ULK4: variants seen among roughly 807,000 people sequenced by gnomAD.
The protein encoded by ULK4 is inactive serine/threonine-protein kinase ULK4.
ULK4 carries 133 observed loss-of-function variants against 160.6 expected under a neutral mutation model. The observed-to-expected ratio is 0.83, with a 90% CI of 0.72 to 0.96. The LOEUF is 0.96. ULK4 is among the 40% of genes least tolerant of loss of function. The probability of loss-of-function intolerance (pLI) is 0.00; values close to 1 mark genes in which losing one functional copy is unlikely to be tolerated. For synonymous variants in ULK4, 534 were observed against 539.8 expected, an observed-to-expected ratio of 0.99 and a Z score of 0.15; for missense variants, 1,580 against 1,499.5, an observed-to-expected ratio of 1.05 and a Z score of -0.89.
At position 41,937,763 on chromosome 3, in the gene ULK4, C is replaced by T. The variant is rs1024684972; in HGVS notation, c.238+335G>A. ...TATGCTTTTCATAAAAACAAAGATA[C>T]TTTATAAATTTATTAGCTAATTAAT... On this transcript the variant is annotated intron_variant, in intron 3 of 36. Coordinates refer to ENST00000301831, the MANE Select transcript of ULK4 (RefSeq NM_017886.4). 14 of 198,320 alleles carry T rather than the reference C, an allele frequency of 7.1e-5. No homozygotes were observed. In the East Asian group the frequency reaches 7.3e-4, roughly 10 times the overall value. 12.3% of individuals were successfully genotyped at this position (198,320 alleles called of 1,614,324 possible). A position where few individuals can be genotyped will look rare whatever the true frequency, so the allele number is the denominator to read the frequency against.
intron 35 of ULK4, among the ~76,000 whole-genome samples, chr3:41,269,646 C>T (rs1037470433): frequency 6.6e-6 from 1 of 152,088 alleles, no homozygotes; most frequent in East Asian, 1.9e-4. Context: ...TATAAAGATG[C>T]AAATTTATGA....
At chr3:41,525,521 C>A (rs898596979) in intron 32 of ULK4, among the ~76,000 whole-genome samples, 14 of 152,184 alleles carry the variant, frequency 9.2e-5, no homozygotes, top group African/African-American at 3.1e-4. Flanking sequence ...GAGGCCTAGT[C>A]TCCCTCCCAA....
chr3:41,763,227 A>C (rs965257652), intron 21 of ULK4, among the ~76,000 whole-genome samples: 1 of 152,214 alleles, frequency 6.6e-6, no homozygotes, highest in Non-Finnish European at 1.5e-5. Flanking sequence ...CCATAATAAA[A>C]GAATAAAAAT....
intron 19 of ULK4, among the ~76,000 whole-genome samples, chr3:41,801,651 A>G (rs1417255157): frequency 6.6e-6 from 1 of 152,050 alleles, no homozygotes; most frequent in Admixed American, 6.6e-5. Flanking sequence ...GGAGTTCAAG[A>G]CCAGCATGGG....
intron 21 of ULK4, among the ~76,000 whole-genome samples, chr3:41,755,469 A>C (rs1227078520): frequency 1.3e-5 from 2 of 152,164 alleles, no homozygotes; most frequent in East Asian, 3.9e-4. Flanking sequence ...ATCTCAGGTA[A>C]AAAAAACAAA....
At chr3:41,317,201 G>A (rs796365235) in intron 35 of ULK4, among the ~76,000 whole-genome samples, 5 of 148,512 alleles carry the variant, frequency 3.4e-5, no homozygotes, top group African/African-American at 9.9e-5. Flanking sequence ...TCAGCCTCCC[G>A]AGTAGCTGGG....
chr3:41,904,834 G>T (rs1698497127), intron 12 of ULK4, among the ~76,000 whole-genome samples: 1 of 152,184 alleles, frequency 6.6e-6, no homozygotes, highest in Non-Finnish European at 1.5e-5. Flanking sequence ...AACTATGATT[G>T]AAAGAAATTA....
At chr3:41,553,181 A>T (rs921921359) in intron 32 of ULK4, among the ~76,000 whole-genome samples, 2 of 152,108 alleles carry the variant, frequency 1.3e-5, no homozygotes, top group Non-Finnish European at 2.9e-5. Context: ...ATTCTTCAGG[A>T]CATTGGTCTA....
At chr3:41,561,001 T>C (rs1205343738) in intron 32 of ULK4, among the ~76,000 whole-genome samples, 2 of 152,230 alleles carry the variant, frequency 1.3e-5, no homozygotes, top group Non-Finnish European at 2.9e-5. Flanking sequence ...GCTGTGGGTA[T>C]GTCATAAATA....
intron 17 of ULK4, among the ~76,000 whole-genome samples, chr3:41,866,714 C>T (rs1438018354): frequency 2.0e-5 from 3 of 152,160 alleles, no homozygotes; most frequent in East Asian, 1.9e-4. Flanking sequence ...GTGTGATTCA[C>T]AGCATATGTG....
intron 32 of ULK4, among the ~76,000 whole-genome samples, chr3:41,472,255 T>A (rs1004707175): frequency 3.3e-5 from 5 of 151,954 alleles, no homozygotes; most frequent in Non-Finnish European, 5.9e-5. Flanking sequence ...TATAACCTAC[T>A]AAGACTAAAT....
intron 19 of ULK4, among the ~76,000 whole-genome samples, chr3:41,804,257 T>C (rs2040564997): frequency 2.0e-5 from 3 of 152,180 alleles, no homozygotes; most frequent in South Asian, 2.1e-4. Flanking sequence ...CATTTTTTCA[T>C]GTGTTTTTTG....
At chr3:41,933,744 T>TAAA (rs57199702) in intron 4 of ULK4, among the ~76,000 whole-genome samples, 69 of 148,848 alleles carry the variant, frequency 4.6e-4, no homozygotes, top group African/African-American at 1.7e-3. Flanking sequence ...AAAAAATTAA[T>TAAA]AAAAAAAAAA....
chr3:41,670,013 T>C (rs767514671), intron 29 of ULK4, among the ~76,000 whole-genome samples: 1 of 152,178 alleles, frequency 6.6e-6, no homozygotes, highest in African/African-American at 2.4e-5. Flanking sequence ...AATAGTTGGG[T>C]AAATACTGTT....
chr3:41,352,002 A>G (rs1229003455), intron 35 of ULK4, among the ~76,000 whole-genome samples: 1 of 152,252 alleles, frequency 6.6e-6, no homozygotes, highest in African/African-American at 2.4e-5. Flanking sequence ...GACACAGTCT[A>G]TATTAAAATT....
At chr3:41,284,366 A>G (rs2079419896) in intron 35 of ULK4, among the ~76,000 whole-genome samples, 5 of 152,200 alleles carry the variant, frequency 3.3e-5, no homozygotes, top group Admixed American at 3.3e-4. Flanking sequence ...CATAGTCACC[A>G]AAACAGCATG....
chr3:41,391,769 C>T (rs2081962260), intron 35 of ULK4, among the ~76,000 whole-genome samples: 1 of 151,970 alleles, frequency 6.6e-6, no homozygotes, highest in East Asian at 1.9e-4. Context: ...GTGAGCACAG[C>T]AAGACTTTCT....
At chr3:41,448,981 T>C (rs1368935993) in intron 34 of ULK4, among the ~76,000 whole-genome samples, 1 of 152,014 alleles carries the variant, frequency 6.6e-6, no homozygotes, top group Non-Finnish European at 1.5e-5. Flanking sequence ...CGCCTCCTGG[T>C]TTCTCGGCTC....
At chr3:41,611,519 G>A (rs1382090051) in intron 31 of ULK4, among the ~76,000 whole-genome samples, 1 of 152,086 alleles carries the variant, frequency 6.6e-6, no homozygotes, top group African/African-American at 2.4e-5. Flanking sequence ...ATCTTATGTT[G>A]CCAGCCCCAC....
Sources: allele counts gnomAD v4.1 joint callset (sites outside exome capture counted in the v4.1 genomes callset), GRCh38; gene constraint gnomAD v4.1.1; transcripts MANE v1.5; gene names NCBI Gene and HGNC (gene_info 2026-07-23, HGNC 2026-07-21).